SLC22A24: variants seen among roughly 807,000 people sequenced by gnomAD.
SLC22A24 encodes the protein solute carrier family 22 member 24, also known as steroid transmembrane transporter SLC22A24.
Under a neutral mutation model 49.8 loss-of-function variants are expected in SLC22A24, and 53 were observed. That is an observed-to-expected ratio of 1.06 (90% CI 0.85 to 1.34). SLC22A24 has a LOEUF of 1.34. SLC22A24 is among the 40% of genes most tolerant of loss of function. The pLI, the probability that SLC22A24 is intolerant of heterozygous loss-of-function variation, is 0.00. For synonymous variants in SLC22A24, 302 were observed against 256.4 expected (o/e 1.18, Z -1.70); for missense variants, 786 against 675.9 (o/e 1.16, Z -1.81).
At chr11:63,142,561 A>C (rs1005291902) in intron 1 of SLC22A24, among the ~76,000 whole-genome samples, 12 of 152,146 alleles carry the variant, frequency 7.9e-5, no homozygotes, top group African/African-American at 2.7e-4. Context: ...GATTAACGTT[A>C]GCCACAGGAT....
intron 2 of SLC22A24, among the ~76,000 whole-genome samples, chr11:63,130,999 T>C (rs1184930556): frequency 6.6e-6 from 1 of 152,208 alleles, no homozygotes. Flanking sequence ...TAGCTTTTCT[T>C]GTTGAATTGA....
chr11:63,118,641 A>T, intron 4 of SLC22A24: 1 of 557,552 alleles, frequency 1.8e-6, no homozygotes, highest in Non-Finnish European at 3.2e-6. Flanking sequence ...TAAATAATAC[A>T]TTTGCTTCAA....
At chr11:63,128,475 C>T (rs1471150778) in intron 2 of SLC22A24, among the ~76,000 whole-genome samples, 4 of 152,030 alleles carry the variant, frequency 2.6e-5, no homozygotes, top group Non-Finnish European at 5.9e-5. Flanking sequence ...GGCCTGACAT[C>T]AGTCAGGCCC....
At chr11:63,131,134 T>C (rs2087332065) in intron 2 of SLC22A24, among the ~76,000 whole-genome samples, 1 of 152,158 alleles carries the variant, frequency 6.6e-6, no homozygotes, top group Admixed American at 6.5e-5. Context: ...TTGGTAGATC[T>C]TCCTCCCTCC....
At chr11:63,080,463 C>G (rs1163119680) in intron 9 of SLC22A24, among the ~76,000 whole-genome samples, 1 of 152,136 alleles carries the variant, frequency 6.6e-6, no homozygotes, top group Non-Finnish European at 1.5e-5. Context: ...ATGCTGTAGT[C>G]CCATGATTCT....
rs114974364 is a variant in SLC22A24, at chr11:63,100,196, A to G, written c.954+3979T>C. Reference sequence around the variant, plus strand: ...GAAAGCCAACACTCCACAAAAAACTATGAGCTGATAAACAAATTTAGTAAA... The same window carrying G: ...GAAAGCCAACACTCCACAAAAAACTGTGAGCTGATAAACAAATTTAGTAAA... On this transcript the variant is annotated intron_variant, in intron 5 of 9. Transcript: ENST00000612278. Among the ~76,000 whole-genome samples the G allele has an allele frequency of 2.9e-3, 435 of 152,230 alleles. 2 individuals carry two copies. Among genetic ancestry groups the G allele is most frequent in the African/African-American group, 0.01 (419 of 41,562 alleles).
At chr11:63,112,597 T>C in intron 4 of SLC22A24, among the ~76,000 whole-genome samples, 1 of 152,166 alleles carries the variant, frequency 6.6e-6, no homozygotes, top group Non-Finnish European at 1.5e-5. Flanking sequence ...TGAAGGATTT[T>C]TGTGTCTCTA....
At chr11:63,134,974 GTCTC>G (rs1460046658) in intron 1 of SLC22A24, among the ~76,000 whole-genome samples, 1 of 152,020 alleles carries the variant, frequency 6.6e-6, no homozygotes, top group Non-Finnish European at 1.5e-5. Context: ...AAATGCATCT[GTCTC>G]TCTCTCACCT....
intron 5 of SLC22A24, among the ~76,000 whole-genome samples, chr11:63,098,050 A>G (rs1018635663): frequency 9.9e-5 from 15 of 152,168 alleles, no homozygotes; most frequent in African/African-American, 3.6e-4. Context: ...ACAAACCTGC[A>G]TGTTCTACAC....
intron 2 of SLC22A24, among the ~76,000 whole-genome samples, chr11:63,132,440 T>C (rs1296607454): frequency 6.6e-6 from 1 of 152,236 alleles, no homozygotes; most frequent in Non-Finnish European, 1.5e-5. Context: ...TGGTCTTTGA[T>C]GTTGGTGACC....
chr11:63,102,024 A>T (rs1405283582), intron 5 of SLC22A24, among the ~76,000 whole-genome samples: 25 of 152,170 alleles, frequency 1.6e-4, no homozygotes, highest in Non-Finnish European at 7.4e-5. Flanking sequence ...CAAGTGTTTG[A>T]TGGTACAACA....
At chr11:63,099,675 A>G (rs1218886795) in intron 5 of SLC22A24, among the ~76,000 whole-genome samples, 2 of 152,064 alleles carry the variant, frequency 1.3e-5, no homozygotes, top group Non-Finnish European at 2.9e-5. Context: ...GAAATCCTCA[A>G]TGAAATACTA....
chr11:63,087,024 GCACACACA>G (rs1555045310), intron 6 of SLC22A24, among the ~76,000 whole-genome samples: 8 of 132,628 alleles, frequency 6.0e-5, no homozygotes, highest in East Asian at 2.2e-4. Context: ...CCTGGAGGGC[GCACACACA>G]CACACACACA....
chr11:63,111,436 C>T (rs1445126980), intron 4 of SLC22A24, among the ~76,000 whole-genome samples: 1 of 151,254 alleles, frequency 6.6e-6, no homozygotes, highest in South Asian at 2.1e-4. Flanking sequence ...ACCAGTTCCT[C>T]CTTGTACCTC....
chr11:63,093,656 C>A (rs1001680074), intron 6 of SLC22A24, among the ~76,000 whole-genome samples: 8 of 152,046 alleles, frequency 5.3e-5, no homozygotes, highest in African/African-American at 1.9e-4. Context: ...AACACATCAT[C>A]ACATAGAGGG....
chr11:63,111,003 A>T (rs2087159425), intron 4 of SLC22A24, among the ~76,000 whole-genome samples: 1 of 152,172 alleles, frequency 6.6e-6, no homozygotes, highest in Admixed American at 6.5e-5. Context: ...GATAGCTCTT[A>T]TTATTTTGAA....
intron 2 of SLC22A24, among the ~76,000 whole-genome samples, chr11:63,134,301 C>G (rs943296427): frequency 1.3e-5 from 2 of 152,150 alleles, no homozygotes; most frequent in East Asian, 3.8e-4. Flanking sequence ...TTTGCACTTT[C>G]AGACCCGAAG....
intron 5 of SLC22A24, 116 bp downstream of exon 5, chr11:63,104,059 G>T: frequency 1.0e-6 from 1 of 984,846 alleles, no homozygotes; most frequent in Non-Finnish European, 1.5e-6. Flanking sequence ...TCAGGACAGA[G>T]ATGTAAGACT....
intron 4 of SLC22A24, among the ~76,000 whole-genome samples, chr11:63,114,709 C>G (rs918246154): frequency 6.6e-6 from 1 of 152,174 alleles, no homozygotes; most frequent in Non-Finnish European, 1.5e-5. Context: ...TACCTTTGGT[C>G]TTTGATTTTG....
Sources: allele counts gnomAD v4.1 joint callset (sites outside exome capture counted in the v4.1 genomes callset), GRCh38; gene constraint gnomAD v4.1.1; transcripts MANE v1.5; gene names NCBI Gene and HGNC (gene_info 2026-07-23, HGNC 2026-07-21).